Variants in HUWE1 observed in about 807,000 individuals in gnomAD.
HUWE1 encodes the protein HECT, UBA and WWE domain containing E3 ubiquitin protein ligase 1, also known as E3 ubiquitin-protein ligase HUWE1.
HUWE1 carries 18 observed loss-of-function variants against 299.4 expected under a neutral mutation model. That is an observed-to-expected ratio of 0.06 (90% CI 0.04 to 0.09). The LOEUF is 0.09. HUWE1 is among the 10% of genes least tolerant of loss of function. HUWE1 has a pLI of 1.00. For synonymous variants in HUWE1, 1,317 were observed against 1,286.1 expected (o/e 1.02, Z -0.51); for missense variants, 1,832 against 3,462.3 (o/e 0.53, Z 11.82).
rs2068135475 is a variant in HUWE1, at chrX:53,647,531, C to G, written c.188G>C (p.Gly63Ala). The change falls in exon 6 of 84, where the codon GGA becomes GCA. Residue 63 changes from glycine to alanine, a missense_variant. Physicochemically the swap from Gly to Ala is moderately conservative, Grantham distance 60. Coordinates refer to ENST00000262854, the MANE Select transcript of HUWE1 (RefSeq NM_031407.7). ...HWVDLLDRFD[G>A]ILADAGQTVE... ...TGTCTGTCCAGCATCTGCCAGTATT[C>G]CATCGAAGCGGTCCAACAGGTCCAC... The G allele has an allele frequency of 1.7e-6, 2 of 1,209,307 alleles. No individual in the cohort carries two copies. The highest frequency in any genetic ancestry group is 2.2e-6 in the Non-Finnish European group (2 of 893,265).
intron 42 of HUWE1, among the ~76,000 whole-genome samples, chrX:53,581,472 C>T (rs2063610102): frequency 1.8e-5 from 2 of 112,278 alleles, no homozygotes; most frequent in African/African-American, 3.2e-5. Flanking sequence ...AGATACTGAA[C>T]TATTTATATA....
In HUWE1 at chrX:53,585,037, G is replaced by A. The variant is rs1556971958; in HGVS notation, c.4976C>T (p.Thr1659Met). 8.3e-7 allele frequency: 1 copy of A among 1,211,827 alleles called. No individual in the cohort carries two copies. ...VRFTAGRRRY[T>M]VQFTTMVQVN... ...CTGCACCATTGTAGTGAATTGGACC[G>A]TGTATCTTCTTCGGCCTGCAGTGAA... Residue 1659 changes from threonine to methionine, a missense_variant, in exon 40 of 84, where the codon ACG (threonine) becomes ATG (methionine). Around this residue, in one of 15 missense-constraint regions of HUWE1, gnomAD observed 658 missense variants for 1,282.6 expected, o/e 0.51. Transcript: ENST00000262854.
chrX:53,624,745 G>T, intron 18 of HUWE1, 70 bp from the exon 19 acceptor site: 1 of 756,747 alleles, frequency 1.3e-6, no homozygotes, highest in Non-Finnish European at 2.1e-6. Flanking sequence ...GGATAATTGA[G>T]TGATATGTTA....
intron 49 of HUWE1, among the ~76,000 whole-genome samples, chrX:53,566,117 A>ATGTG (rs781804758): frequency 0.014 from 769 of 54,264 alleles, 23 homozygotes; most frequent in African/African-American, 0.058. Context: ...GTATGTATGT[A>ATGTG]TGTGTGTGTG....
In HUWE1 at chrX:53,552,363, G is replaced by T. The variant is rs1602595549; in HGVS notation, c.8829C>A (p.Ile2943=). ...VAISGADSRG[I]LEEPLPSTSS... The stretch of plus-strand genomic sequence containing the variant: ...TTGTTGAAGGCAACGGCTCTTCTAG[G>T]ATTCCTCGGGAATCTGCTCCAGAAA... Residue 2943 remains isoleucine, a synonymous_variant, in exon 63 of 84, where the codon ATC becomes ATA. Coordinates refer to ENST00000262854, the MANE Select transcript of HUWE1 (RefSeq NM_031407.7). 8.3e-7 allele frequency: 1 copy of T among 1,209,611 alleles called. No individual in the cohort carries two copies. The highest frequency in any genetic ancestry group is 3.0e-5 in the East Asian group (1 of 33,749).
Position 53,617,409 on chromosome X carries a change from T to C in HUWE1, c.1710A>G (p.Pro570=). Residue 570 remains proline, a synonymous_variant, in exon 20 of 84, where the codon CCA becomes CCG. Transcript: ENST00000262854. ...TGTCCTGGAGTGAGGAGAGCAGTGATGGTTCTTGAAATACAAACACAGTCA... is the reference window on the plus strand; with the variant it reads ...TGTCCTGGAGTGAGGAGAGCAGTGACGGTTCTTGAAATACAAACACAGTCA... ...EVVTVFVFQE[P]SLLSSLQDNG... is the part of the protein sequence containing the mutation. 2 of 1,197,454 alleles carry C rather than the reference T, an allele frequency of 1.7e-6. No homozygotes were observed. The highest frequency in any genetic ancestry group is 2.2e-5 in the Admixed American group (1 of 45,816).
At chrX:53,580,519 C>T (rs1317777731) in intron 43 of HUWE1, among the ~76,000 whole-genome samples, 1 of 111,887 alleles carries the variant, frequency 8.9e-6, no homozygotes, top group Non-Finnish European at 1.9e-5. Context: ...ATCCATTTAA[C>T]CCTTAATTAT....
At chrX:53,590,059 C>T (rs782800150) in intron 35 of HUWE1, among the ~76,000 whole-genome samples, 18 of 111,911 alleles carry the variant, frequency 1.6e-4, no homozygotes, top group African/African-American at 4.2e-4. Context: ...TACTACCTCC[C>T]GCAAAATCAT....
At chrX:53,583,141 T>G (rs2063703001) in intron 42 of HUWE1, among the ~76,000 whole-genome samples, 3 of 111,180 alleles carry the variant, frequency 2.7e-5, no homozygotes, top group African/African-American at 9.8e-5. Context: ...TCAAAAAGCT[T>G]TAACTATACT....
Position 53,629,288 on chromosome X carries a change from A to G in HUWE1, c.963+228T>C, listed in dbSNP as rs782728174. Among the ~76,000 whole-genome samples, 5 of 111,859 alleles carry G rather than the reference A, an allele frequency of 4.5e-5. No individual in the cohort carries two copies. The East Asian group carries it at 1.4e-3, about 31-fold the overall frequency. On this transcript the variant is annotated intron_variant, in intron 13 of 83. Transcript: ENST00000262854. ...TGATCTCATGTGACAGGTCACAGTTAAAATGCACAAAATTATTTGAAATAT... is the reference window on the plus strand; with the variant it reads ...TGATCTCATGTGACAGGTCACAGTTGAAATGCACAAAATTATTTGAAATAT...
At position 53,533,256 on chromosome X, in the gene HUWE1, T is replaced by G. The variant is rs1602459464; in HGVS notation, c.*53A>C. ...TCTGGTTCTTTTTTTAACTCCCCCC[T>G]CCCCAGGTCCAACAATGGTAAAAAA... On this transcript the variant is annotated 3_prime_UTR_variant, in exon 84 of 84. Transcript: ENST00000262854. The G allele has an allele frequency of 1.0e-5, 8 of 775,168 alleles. No homozygotes were observed. In the East Asian group the frequency reaches 2.6e-4, roughly 25 times the overall value. The allele number at this position is 775,168 out of a possible 1,213,427, so 63.9% of individuals were successfully genotyped here. A position where few individuals can be genotyped will look rare whatever the true frequency, so the allele number is the denominator to read the frequency against.
chrX:53,577,193 A>T (rs782378733), intron 43 of HUWE1, 126 bp from the exon 44 acceptor site: 7 of 536,178 alleles, frequency 1.3e-5, no homozygotes, highest in Non-Finnish European at 2.3e-5. Flanking sequence ...ATTTTCAATT[A>T]ATGTTCAAGT....
intron 37 of HUWE1, 110 bp downstream of exon 37, chrX:53,588,272 A>T: frequency 1.3e-6 from 1 of 784,118 alleles, no homozygotes; most frequent in South Asian, 2.3e-5. Context: ...CATGAAATGC[A>T]GGACTCATGC....
At position 53,628,761 on chromosome X, in the gene HUWE1, C is replaced by T; in HGVS notation, c.1105G>A (p.Ala369Thr). ...CACCATCAAAACTTACCAATCATGG[C>T]CTGGATACAGTTCCTTACAAGCACT... ...LPVLVRNCIQ[A>T]MIDPSMDPYP... Residue 369 changes from alanine (A) to threonine (T), a missense_variant, in exon 14 of 84, where the codon GCC becomes ACC. Ala to Thr is a moderately conservative substitution (Grantham distance 58). This residue lies in a region of HUWE1 where 658 missense variants were observed against 1,282.6 expected (regional missense o/e 0.51). Coordinates refer to ENST00000262854, the MANE Select transcript of HUWE1 (RefSeq NM_031407.7). 8.3e-7 allele frequency: 1 copy of T among 1,211,720 alleles called. No homozygotes were observed. Among genetic ancestry groups the T allele is most frequent in the Non-Finnish European group, 1.1e-6 (1 of 895,348 alleles).
In HUWE1 at chrX:53,583,758, T is replaced by C. The variant is rs1556970331; in HGVS notation, c.5320A>G (p.Thr1774Ala). ...CAGAGACGAAGGGTGGCATGCAAAG[T>C]ATCTGGGTCCACAGGGACTCCCAGC... Reference protein sequence around the residue: ...SMLGVPVDPDTLHATLRLCLR... With the variant: ...SMLGVPVDPDALHATLRLCLR... The change falls in exon 42 of 84, where the codon ACT becomes GCT. Residue 1774 changes from threonine (T) to alanine (A), a missense_variant. Thr to Ala is a moderately conservative substitution (Grantham distance 58, BLOSUM62 0). This residue lies in a region of HUWE1 where 50 missense variants were observed against 114.9 expected (regional missense o/e 0.44). Coordinates refer to ENST00000262854, the MANE Select transcript of HUWE1 (RefSeq NM_031407.7). 2 of 1,210,924 alleles carry C rather than the reference T, an allele frequency of 1.7e-6. No individual in the cohort carries two copies. Among genetic ancestry groups the C allele is most frequent in the South Asian group, 3.5e-5 (2 of 56,896 alleles).
rs782147442 is a variant in HUWE1, at chrX:53,547,827, G to A, written c.10482C>T (p.Thr3494=). 11 of 1,196,778 alleles carry A rather than the reference G, an allele frequency of 9.2e-6. No homozygotes were observed. In the African/African-American group the frequency reaches 1.2e-4, roughly 13 times the overall value. The change falls in exon 68 of 84, where the codon ACC becomes ACT. Residue 3494 remains threonine, a synonymous_variant. Transcript: ENST00000262854. ...TTATSTTSTT[T]TTAASTTPTP... is the part of the protein sequence containing the mutation. ...TGGGCGTGGTGGAGGCGGCAGTGGTGGTGGTGGTAGATGTGGTTGAGGTGG... is the reference window on the plus strand; with the variant it reads ...TGGGCGTGGTGGAGGCGGCAGTGGTAGTGGTGGTAGATGTGGTTGAGGTGG...
At chrX:53,605,308 C>T (rs1442827929) in intron 25 of HUWE1, among the ~76,000 whole-genome samples, 2 of 112,110 alleles carry the variant, frequency 1.8e-5, no homozygotes, top group Non-Finnish European at 3.8e-5. Flanking sequence ...GTGATTTCCT[C>T]TCAAGTCTGG....
intron 38 of HUWE1, 49 bp downstream of exon 38, chrX:53,586,733 T>C (rs1556973626): frequency 4.2e-6 from 5 of 1,203,146 alleles, no homozygotes; most frequent in Admixed American, 2.2e-5. Flanking sequence ...TTCAGGCCCA[T>C]GTCCCAGGGA....
Position 53,604,572 on chromosome X carries a change from C to G in HUWE1, c.2742+17G>C. 8.3e-7 allele frequency: 1 copy of G among 1,209,077 alleles called. No individual in the cohort carries two copies. The highest frequency in any genetic ancestry group is 1.1e-6 in the Non-Finnish European group (1 of 893,160). On this transcript the variant is annotated intron_variant, in intron 26 of 83. Transcript: ENST00000262854. The stretch of plus-strand genomic sequence containing the variant: ...CTGCCTTTAAATTAATATGTTCACC[C>G]CTAAGGTTATTTTTACCTGTCCAAC...
Sources: allele counts gnomAD v4.1 joint callset (sites outside exome capture counted in the v4.1 genomes callset), GRCh38; gene constraint gnomAD v4.1.1; regional missense constraint gnomAD v4.1.1; transcripts MANE v1.5; gene names NCBI Gene and HGNC (gene_info 2026-07-23, HGNC 2026-07-21).